WDR33: variants seen among roughly 807,000 people sequenced by gnomAD.
WDR33 encodes the protein WD repeat domain 33.
WDR33 carries 47 observed loss-of-function variants against 164.9 expected under a neutral mutation model. That is an observed-to-expected ratio of 0.29 (90% CI 0.23 to 0.36). The LOEUF is 0.36. Among genes scored for constraint, WDR33 ranks in the 10% least tolerant of loss-of-function variants. WDR33 has a pLI of 1.00. For missense variants in WDR33, 1,137 were observed against 1,754.1 expected, an observed-to-expected ratio of 0.65 and a Z score of 6.28; for synonymous variants, 505 against 589.0, an observed-to-expected ratio of 0.86 and a Z score of 2.06.
chr2:127,778,322 A>G (rs1392875439), intron 1 of WDR33, among the ~76,000 whole-genome samples: 5 of 152,070 alleles, frequency 3.3e-5, no homozygotes, highest in Non-Finnish European at 7.4e-5. Flanking sequence ...CTGTAATCCC[A>G]GCTACTCAGG....
chr2:127,756,131 C>T (rs572364512), intron 7 of WDR33, among the ~76,000 whole-genome samples: 45 of 152,028 alleles, frequency 3.0e-4, no homozygotes, highest in Middle Eastern at 6.8e-3. Flanking sequence ...GTCAGGAGTT[C>T]GAGACCAGCC....
rs564085073 is a variant in WDR33, at chr2:127,782,041, A to G, written c.-23-11037T>C. Among the ~76,000 whole-genome samples, 3 of 151,108 alleles carry G rather than the reference A, an allele frequency of 2.0e-5. No individual in the cohort carries two copies. The East Asian group carries it at 5.9e-4, about 30-fold the overall frequency. On this transcript the variant is annotated intron_variant, in intron 1 of 21. Coordinates refer to ENST00000322313, the MANE Select transcript of WDR33 (RefSeq NM_018383.5). ...AAAAAAATCCATGCTGAGAACACACATATGGAATATTCAAAGTCAAGTGTT... is the reference window on the plus strand; with the variant it reads ...AAAAAAATCCATGCTGAGAACACACGTATGGAATATTCAAAGTCAAGTGTT...
intron 2 of WDR33, 23 bp from the exon 3 acceptor site, chr2:127,769,024 A>AATAC: frequency 7.9e-7 from 1 of 1,264,882 alleles, no homozygotes; most frequent in Non-Finnish European, 1.0e-6. Context: ...TAAATAAATA[A>AATAC]ATAAATAAAT....
chr2:127,706,501 C>G lies in WDR33; in HGVS notation c.3833G>C (p.Ser1278Thr). The change falls in exon 22 of 22, where the codon AGC becomes ACC. Residue 1278 changes from serine (S) to threonine (T), a missense_variant. By Grantham distance (58) the Ser-to-Thr change is moderately conservative (BLOSUM62 1). Transcript: ENST00000322313. This position sits in a 1 kb window ranked among gnomAD's most constrained non-coding sequence, Gnocchi z 5.1. ...AQRVPKSGRS[S>T]SLDGEHHDGY... ...ATCGTGGTGCTCTCCGTCTAAGGAG[C>G]TGGAACGCCCAGATTTGGGCACTCT... 1 of 1,613,328 alleles carries G rather than the reference C, an allele frequency of 6.2e-7. No homozygotes were observed. The highest frequency in any genetic ancestry group is 8.5e-7 in the Non-Finnish European group (1 of 1,179,650).
chr2:127,804,237 C>T (rs1323317825), intron 1 of WDR33, among the ~76,000 whole-genome samples: 3 of 152,024 alleles, frequency 2.0e-5, no homozygotes, highest in Admixed American at 6.6e-5. Flanking sequence ...AGGAGAATGG[C>T]GTGAACCCGG....
intron 7 of WDR33, among the ~76,000 whole-genome samples, chr2:127,755,956 CAG>C (rs1233252745): frequency 6.6e-6 from 1 of 152,110 alleles, no homozygotes; most frequent in Non-Finnish European, 1.5e-5. Flanking sequence ...ACAAAACAAA[CAG>C]AAATCCTCAC....
intron 1 of WDR33, among the ~76,000 whole-genome samples, chr2:127,795,834 C>A (rs1421451647): frequency 2.1e-5 from 3 of 143,220 alleles, no homozygotes; most frequent in South Asian, 2.4e-4. Context: ...GCTTTGTCTC[C>A]GGAAAAAAAA....
intron 7 of WDR33, among the ~76,000 whole-genome samples, chr2:127,740,461 C>A (rs907954620): frequency 6.6e-6 from 1 of 152,152 alleles, no homozygotes; most frequent in African/African-American, 2.4e-5. Flanking sequence ...CTGAGGTGGG[C>A]TTGAGCCCGG....
rs375565799 is a variant in WDR33 at position 127,723,047 on chromosome 2, A to G, written c.1292-3T>C. On this transcript the variant is annotated splice_region_variant and splice_polypyrimidine_tract_variant and intron_variant, in intron 12 of 21. Coordinates refer to ENST00000322313, the MANE Select transcript of WDR33 (RefSeq NM_018383.5). This position sits in a 1 kb window ranked among gnomAD's most constrained non-coding sequence, Gnocchi z 5.9. ...CAGGCTATTAGGTTCGAGGTCATCT[A>G]TAAATAGTAATACACCATTGTCAAT... 3 of 1,603,012 alleles carry G rather than the reference A, an allele frequency of 1.9e-6. No individual in the cohort carries two copies. Among genetic ancestry groups the G allele is most frequent in the Non-Finnish European group, 2.6e-6 (3 of 1,175,436 alleles).
In WDR33 at chr2:127,709,880, GTC is replaced by G. The variant is rs1428550817; in HGVS notation, c.3309-26_3309-25del. The G allele has an allele frequency of 6.2e-7, 1 of 1,611,170 alleles. No individual in the cohort carries two copies. Among genetic ancestry groups the G allele is most frequent in the East Asian group, 2.2e-5 (1 of 44,870 alleles). Reference sequence around the variant, plus strand: ...AACTGTAAAGAGAAAACAGCAGAATGTCCATCTCAGAGAACACCTTGCCACTC... The same window carrying G: ...AACTGTAAAGAGAAAACAGCAGAATGCATCTCAGAGAACACCTTGCCACTC... On this transcript the variant is annotated intron_variant, in intron 18 of 21. Transcript: ENST00000322313. This position sits in a 1 kb window ranked among gnomAD's most constrained non-coding sequence, Gnocchi z 5.0.
At chr2:127,810,055 C>A (rs1689591506) in intron 1 of WDR33, among the ~76,000 whole-genome samples, 1 of 132,384 alleles carries the variant, frequency 7.6e-6, no homozygotes, top group South Asian at 2.7e-4. Context: ...TATATACATA[C>A]ACACACACAT....
chr2:127,789,754 CTAT>C (rs1232835866), intron 1 of WDR33, among the ~76,000 whole-genome samples: 1 of 132,854 alleles, frequency 7.5e-6, no homozygotes, highest in Non-Finnish European at 1.8e-5. Flanking sequence ...TTCTCCTTTA[CTAT>C]TAAGTATGAC....
In WDR33 at chr2:127,770,372, A is replaced by G. The variant is rs1277494081; in HGVS notation, c.204+406T>C. On this transcript the variant is annotated intron_variant, in intron 2 of 21. Coordinates refer to ENST00000322313, the MANE Select transcript of WDR33 (RefSeq NM_018383.5). This position sits in a 1 kb window ranked among gnomAD's most constrained non-coding sequence, Gnocchi z 4.9. ...TAACACAGGTATACATACTTACTAC[A>G]CTACATCTAGAAAATCATCTTCTTT... Among the ~76,000 whole-genome samples, 1 of 152,126 alleles carries G rather than the reference A, an allele frequency of 6.6e-6. No individual in the cohort carries two copies.
intron 7 of WDR33, among the ~76,000 whole-genome samples, chr2:127,754,760 A>G (rs1213225488): frequency 6.6e-6 from 1 of 151,950 alleles, no homozygotes; most frequent in Non-Finnish European, 1.5e-5. Context: ...AAATTTCCAT[A>G]ATGAAATCCA....
At chr2:127,807,862 G>C (rs72969002) in intron 1 of WDR33, among the ~76,000 whole-genome samples, 2,526 of 152,298 alleles carry the variant, frequency 0.017, 20 homozygotes, top group East Asian at 0.029. Context: ...GACTTTGAAA[G>C]GCTGAAGTGG....
At chr2:127,715,019 A>AC (rs1686264833) in intron 17 of WDR33, among the ~76,000 whole-genome samples, 2 of 147,226 alleles carry the variant, frequency 1.4e-5, no homozygotes, top group South Asian at 4.3e-4. Context: ...CCCCTCCTGT[A>AC]CCCCAGCCAA....
At position 127,721,390 on chromosome 2, in the gene WDR33, A is replaced by C. The variant is rs1308952896; in HGVS notation, c.1671+446T>G. 6.6e-6 allele frequency among the ~76,000 whole-genome samples: 1 copy of C among 152,142 alleles called. No individual in the cohort carries two copies. The highest frequency in any genetic ancestry group is 1.5e-5 in the Non-Finnish European group (1 of 68,016). ...CCCAAAGTGCTGGGATTACAGGTGT[A>C]AGCCACCACGCCTGACCCTAATTGG... On this transcript the variant is annotated intron_variant, in intron 15 of 21. Coordinates refer to ENST00000322313, the MANE Select transcript of WDR33 (RefSeq NM_018383.5). This position sits in a 1 kb window ranked among gnomAD's most constrained non-coding sequence, Gnocchi z 4.9.
In WDR33 at chr2:127,718,383, C is replaced by CA; in HGVS notation, c.2760+881dup. Among the ~76,000 whole-genome samples, 1 of 152,192 alleles carries CA rather than the reference C, an allele frequency of 6.6e-6. No individual in the cohort carries two copies. Among genetic ancestry groups the CA allele is most frequent in the East Asian group, 1.9e-4 (1 of 5,168 alleles). ...AAAGTGAGTTTTCAGGGACAAAACT[C>CA]AGTTATTCATACCCAAATAATGCCT... is the stretch of plus-strand genomic sequence containing the variant. On this transcript the variant is annotated intron_variant, in intron 16 of 21. Transcript: ENST00000322313. This position sits in a 1 kb window ranked among gnomAD's most constrained non-coding sequence, Gnocchi z 4.4.
At chr2:127,769,977 C>T (rs1687945830) in intron 2 of WDR33, among the ~76,000 whole-genome samples, 1 of 152,208 alleles carries the variant, frequency 6.6e-6, no homozygotes, top group Non-Finnish European at 1.5e-5. Context: ...TGTAGGACTG[C>T]AGTAGGCGTT....
Sources: allele counts gnomAD v4.1 joint callset (sites outside exome capture counted in the v4.1 genomes callset), GRCh38; gene constraint gnomAD v4.1.1; non-coding constraint Gnocchi (gnomAD v3.1); transcripts MANE v1.5; gene names NCBI Gene and HGNC (gene_info 2026-07-23, HGNC 2026-07-21).